Variants in PGGT1B observed in about 807,000 individuals in gnomAD.
PGGT1B encodes protein geranylgeranyltransferase type I subunit beta.
A neutral mutation model predicts 46.1 loss-of-function variants in PGGT1B; 30 were observed. The ratio of observed to expected loss-of-function variants is 0.65; its 90% CI spans 0.49 to 0.88. The LOEUF is 0.88. Ranked by LOEUF, PGGT1B falls within the 40% of genes least tolerant of loss-of-function variation. The pLI is 0.00. For missense variants in PGGT1B, 376 were observed against 455.9 expected (o/e 0.82, Z 1.60); for synonymous variants, 170 against 160.0 (o/e 1.06, Z -0.47).
At chr5:115,241,230 A>ACT (rs1757335345) in intron 3 of PGGT1B, among the ~76,000 whole-genome samples, 1 of 152,218 alleles carries the variant, frequency 6.6e-6, no homozygotes, top group Non-Finnish European at 1.5e-5. Context: ...TTACTCAGGA[A>ACT]ATCACCAATA....
At chr5:115,234,416 G>A (rs1453515821) in intron 5 of PGGT1B, among the ~76,000 whole-genome samples, 1 of 151,884 alleles carries the variant, frequency 6.6e-6, no homozygotes, top group Non-Finnish European at 1.5e-5. Flanking sequence ...GGGGCAAGGA[G>A]TCACACTTCT....
At chr5:115,259,990 C>A (rs1465061960) in intron 1 of PGGT1B, among the ~76,000 whole-genome samples, 1 of 152,166 alleles carries the variant, frequency 6.6e-6, no homozygotes. Flanking sequence ...CATAACCACA[C>A]TAAACTCCCT....
chr5:115,234,094 T>C (rs1757091072), intron 5 of PGGT1B, among the ~76,000 whole-genome samples: 2 of 151,066 alleles, frequency 1.3e-5, no homozygotes, highest in South Asian at 4.2e-4. Context: ...TGGAGTAATA[T>C]AATAGGAAAC....
intron 2 of PGGT1B, among the ~76,000 whole-genome samples, chr5:115,242,399 G>A (rs1757374617): frequency 6.6e-6 from 1 of 151,924 alleles, no homozygotes; most frequent in Non-Finnish European, 1.5e-5. Flanking sequence ...TAAATGCACC[G>A]CTGATAAAAA....
intron 2 of PGGT1B, among the ~76,000 whole-genome samples, chr5:115,248,761 TTCTA>T (rs1169191352): frequency 1.3e-5 from 2 of 152,336 alleles, no homozygotes; most frequent in Non-Finnish European, 2.9e-5. Context: ...GTCAATCCGA[TTCTA>T]TCTCTTATCA....
Position 115,216,112 on chromosome 5 carries a change from T to A in PGGT1B, c.952+753A>T, listed in dbSNP as rs182995671. ...AAGAGTATGGGAAGTGAGAAACACA[T>A]ATATTCAGGATTTGAAATATTTTAT... On this transcript the variant is annotated intron_variant, in intron 8 of 8. Coordinates refer to ENST00000419445, the MANE Select transcript of PGGT1B (RefSeq NM_005023.4). Among the ~76,000 whole-genome samples, 572 of 152,264 alleles carry A rather than the reference T, an allele frequency of 3.8e-3. 1 individual carries two copies. The highest frequency in any genetic ancestry group is 0.014 in the Middle Eastern group (4 of 294).
intron 6 of PGGT1B, among the ~76,000 whole-genome samples, chr5:115,223,045 C>A (rs1467849512): frequency 3.3e-5 from 5 of 151,572 alleles, no homozygotes; most frequent in Non-Finnish European, 5.9e-5. Context: ...TGCAGCACAC[C>A]AACATGGCAC....
rs930226168 is a variant in PGGT1B at position 115,261,767 on chromosome 5, A to G, written c.140+945T>C. Among the ~76,000 whole-genome samples the G allele has an allele frequency of 7.2e-5, 11 of 152,328 alleles. 1 individual carries two copies. Among genetic ancestry groups the G allele is most frequent in the Admixed American group, 2.0e-4 (3 of 15,300 alleles). ...AAGGGTGTTTAAGGAAGGCCTCTCT[A>G]AAGATATCTGGATTATGTACATGCC... On this transcript the variant is annotated intron_variant, in intron 1 of 8. Transcript: ENST00000419445.
chr5:115,251,848 C>T (rs1269981418), intron 2 of PGGT1B, among the ~76,000 whole-genome samples: 2 of 151,932 alleles, frequency 1.3e-5, no homozygotes, highest in East Asian at 3.9e-4. Context: ...AAATACCAAG[C>T]ACAATCTGTA....
At chr5:115,214,226 T>C (rs1410383613) in intron 8 of PGGT1B, among the ~76,000 whole-genome samples, 3 of 152,166 alleles carry the variant, frequency 2.0e-5, no homozygotes, top group African/African-American at 7.2e-5. Flanking sequence ...AAATAAAACT[T>C]ATTTGTTTCT....
chr5:115,224,847 A>C (rs1034697084), intron 6 of PGGT1B, among the ~76,000 whole-genome samples: 2 of 151,978 alleles, frequency 1.3e-5, no homozygotes. Flanking sequence ...AAAAAAAAAA[A>C]AAAAGTAGTA....
At chr5:115,262,651 C>T in intron 1 of PGGT1B, 61 bp downstream of exon 1, 1 of 1,540,722 alleles carries the variant, frequency 6.5e-7, no homozygotes, top group Non-Finnish European at 8.8e-7. Context: ...TCCGACTCCG[C>T]CGCGCCTTTC....
At position 115,216,937 on chromosome 5, in the gene PGGT1B, T is replaced by G. The variant is rs1453206395; in HGVS notation, c.880A>C (p.Asn294His). 1 of 1,589,790 alleles carries G rather than the reference T, an allele frequency of 6.3e-7. No homozygotes were observed. Among genetic ancestry groups the G allele is most frequent in the Non-Finnish European group, 8.6e-7 (1 of 1,160,014 alleles). Residue 294 changes from asparagine to histidine, a missense_variant, in exon 8 of 9, where the codon AAT (asparagine) becomes CAT (histidine). This residue lies in a region of PGGT1B where 222 missense variants were observed against 313.6 expected (regional missense o/e 0.71). Coordinates refer to ENST00000419445, the MANE Select transcript of PGGT1B (RefSeq NM_005023.4). The part of the protein sequence containing the change: ...KIFQYTNFEK[N>H]RNYILSTQDR... ...TGAGTTGATAAGATGTAATTTCTATTTTTCTCAAAGTTAGTGTATTGGAAA... is the reference window on the plus strand; with the variant it reads ...TGAGTTGATAAGATGTAATTTCTATGTTTCTCAAAGTTAGTGTATTGGAAA...
At chr5:115,236,349 C>G (rs200570888) in intron 5 of PGGT1B, 41 bp downstream of exon 5, 1 of 1,543,366 alleles carries the variant, frequency 6.5e-7, no homozygotes, top group African/African-American at 1.4e-5. Flanking sequence ...CATGTACCAG[C>G]AAAAACAACC....
At chr5:115,216,092 T>C (rs1177523772) in intron 8 of PGGT1B, among the ~76,000 whole-genome samples, 1 of 151,846 alleles carries the variant, frequency 6.6e-6, no homozygotes, top group African/African-American at 2.4e-5. Flanking sequence ...AGAACAAGAG[T>C]ATGGGAAGTG....
chr5:115,230,461 T>A (rs1273742222), intron 6 of PGGT1B, among the ~76,000 whole-genome samples: 3 of 152,118 alleles, frequency 2.0e-5, no homozygotes, highest in African/African-American at 7.2e-5. Flanking sequence ...ACATCATTAT[T>A]CTAGTTCTGC....
In PGGT1B at chr5:115,210,816, A is replaced by G. The variant is rs1431054282; in HGVS notation, c.*1586T>C. 6.6e-6 allele frequency: 1 copy of G among 152,082 alleles called. No individual in the cohort carries two copies. The highest frequency in any genetic ancestry group is 1.5e-5 in the Non-Finnish European group (1 of 67,930). The allele number at this position is 152,082 out of a possible 1,614,324, so 9.4% of individuals were successfully genotyped here. Reference sequence around the variant, plus strand: ...TAAATAGTAGCAACTGGAATAACCCATAGACGGATAACATCTGTTATTAAG... The same window carrying G: ...TAAATAGTAGCAACTGGAATAACCCGTAGACGGATAACATCTGTTATTAAG... On this transcript the variant is annotated 3_prime_UTR_variant, in exon 9 of 9. Coordinates refer to ENST00000419445, the MANE Select transcript of PGGT1B (RefSeq NM_005023.4).
intron 6 of PGGT1B, among the ~76,000 whole-genome samples, chr5:115,229,925 C>T (rs571181977): frequency 6.6e-6 from 1 of 152,102 alleles, no homozygotes; most frequent in South Asian, 2.1e-4. Flanking sequence ...CCCTTAGAGA[C>T]ACATACTCTA....
intron 1 of PGGT1B, among the ~76,000 whole-genome samples, chr5:115,254,263 T>A (rs992878081): frequency 6.6e-6 from 1 of 152,064 alleles, no homozygotes; most frequent in African/African-American, 2.4e-5. Flanking sequence ...TCTGAAATGC[T>A]TGGGACCAGA....
Sources: gnomAD v4.1 joint callset for allele counts (sites outside exome capture counted in the v4.1 genomes callset) on GRCh38, gnomAD v4.1.1 for gene constraint, gnomAD v4.1.1 regional missense constraint, MANE v1.5 for transcripts, NCBI Gene and HGNC (gene_info 2026-07-23, HGNC 2026-07-21) for gene names.